Variants in LMBR1 observed in about 807,000 individuals in gnomAD.
The protein encoded by LMBR1 is limb development membrane protein 1.
In LMBR1, 52 loss-of-function variants were observed where a neutral mutation model predicts 73.9. The ratio of observed to expected loss-of-function variants is 0.70; its 90% CI spans 0.56 to 0.89. The LOEUF (loss-of-function observed/expected upper bound fraction) is 0.89. Ranked by LOEUF, LMBR1 falls within the 40% of genes least tolerant of loss-of-function variation. LMBR1 has a pLI of 0.00. For synonymous variants in LMBR1, 215 were observed against 209.4 expected, an observed-to-expected ratio of 1.03 and a Z score of -0.23; for missense variants, 539 against 579.8, an observed-to-expected ratio of 0.93 and a Z score of 0.72.
intron 9 of LMBR1, 100 bp downstream of exon 9, chr7:156,756,293 C>T (rs994132548): frequency 3.0e-6 from 2 of 660,570 alleles, no homozygotes; most frequent in South Asian, 1.7e-5. Context: ...TGTAGCAGCA[C>T]AAGATTCAGA....
At chr7:156,891,219 TATATATATATATATAC>T (rs1330737419) in intron 1 of LMBR1, among the ~76,000 whole-genome samples, 2 of 56,490 alleles carry the variant, frequency 3.5e-5, no homozygotes, top group Admixed American at 2.3e-4. Flanking sequence ...AAAATATATA[TATATATATATATATAC>T]ACACACACAC....
intron 4 of LMBR1, chr7:156,822,637 A>G (rs1251433878): frequency 1.3e-5 from 2 of 152,206 alleles, no homozygotes; most frequent in African/African-American, 4.8e-5. Flanking sequence ...AAGAAAAACC[A>G]AATATTATAA....
At chr7:156,767,230 T>C (rs768027929) in intron 5 of LMBR1, among the ~76,000 whole-genome samples, 3 of 152,154 alleles carry the variant, frequency 2.0e-5, no homozygotes, top group Non-Finnish European at 4.4e-5. Flanking sequence ...CTCACGGCTC[T>C]GCTGAGTACA....
intron 15 of LMBR1, among the ~76,000 whole-genome samples, chr7:156,700,355 A>G (rs1809375251): frequency 6.6e-6 from 1 of 151,902 alleles, no homozygotes; most frequent in Non-Finnish European, 1.5e-5. Flanking sequence ...GAACACATGG[A>G]CACAGGAATG....
rs1036026971 is a variant in LMBR1 at position 156,683,833 on chromosome 7, G to A, written c.*245C>T. On this transcript the variant is annotated 3_prime_UTR_variant, in exon 17 of 17. Transcript: ENST00000353442. Reference sequence around the variant, plus strand: ...TGAGCAAATGTCTACAGAAGAATGCGCTGTTCTATATGTCTGTAAGGAATC... The same window carrying A: ...TGAGCAAATGTCTACAGAAGAATGCACTGTTCTATATGTCTGTAAGGAATC... 1.8e-5 allele frequency: 7 copies of A among 398,644 alleles called. No individual in the cohort carries two copies. The highest frequency in any genetic ancestry group is 2.7e-5 in the Non-Finnish European group (6 of 225,488). The allele number at this position is 398,644 out of a possible 1,614,324, so 24.7% of individuals were successfully genotyped here. A position where few individuals can be genotyped will look rare whatever the true frequency, so the allele number is the denominator to read the frequency against.
intron 1 of LMBR1, among the ~76,000 whole-genome samples, chr7:156,851,587 G>A (rs1343292118): frequency 6.6e-6 from 1 of 152,132 alleles, no homozygotes; most frequent in Non-Finnish European, 1.5e-5. Context: ...TGGTAAAGTT[G>A]GGGGGCTGGG....
chr7:156,785,708 A>T (rs972186453), intron 5 of LMBR1, among the ~76,000 whole-genome samples: 14 of 152,184 alleles, frequency 9.2e-5, no homozygotes, highest in Non-Finnish European at 1.8e-4. Flanking sequence ...TCAAGCAGAG[A>T]CAATCTGAAT....
At chr7:156,888,627 CAA>C (rs1361578055) in intron 1 of LMBR1, among the ~76,000 whole-genome samples, 11 of 151,570 alleles carry the variant, frequency 7.3e-5, no homozygotes, top group Non-Finnish European at 1.6e-4. Flanking sequence ...TCAGCCTGAA[CAA>C]ATTCTGGGCC....
intron 5 of LMBR1, among the ~76,000 whole-genome samples, chr7:156,776,120 T>TA (rs1382111881): frequency 2.0e-5 from 3 of 148,928 alleles, no homozygotes; most frequent in Non-Finnish European, 4.5e-5. Flanking sequence ...TTATATATAT[T>TA]TTATATATAT....
intron 15 of LMBR1, among the ~76,000 whole-genome samples, chr7:156,700,119 A>G (rs1809313168): frequency 6.6e-6 from 1 of 152,204 alleles, no homozygotes; most frequent in African/African-American, 2.4e-5. Flanking sequence ...CACTATTCAC[A>G]ATAGCAAAGA....
At chr7:156,855,053 C>CA (rs1317398073) in intron 1 of LMBR1, among the ~76,000 whole-genome samples, 2 of 152,060 alleles carry the variant, frequency 1.3e-5, no homozygotes, top group East Asian at 3.9e-4. Context: ...TGCTCAAATG[C>CA]AAAAATCACA....
intron 1 of LMBR1, among the ~76,000 whole-genome samples, chr7:156,890,016 A>G (rs566414962): frequency 3.3e-5 from 5 of 152,336 alleles, no homozygotes; most frequent in African/African-American, 1.2e-4. Context: ...ATTTTAAAAA[A>G]TAATAAAACT....
chr7:156,879,128 G>A (rs1800660808), intron 1 of LMBR1, among the ~76,000 whole-genome samples: 1 of 152,148 alleles, frequency 6.6e-6, no homozygotes, highest in Non-Finnish European at 1.5e-5. Context: ...TCTAGACACT[G>A]GCTTAGGAAA....
intron 15 of LMBR1, among the ~76,000 whole-genome samples, chr7:156,692,061 C>T (rs1177908211): frequency 2.0e-5 from 3 of 152,114 alleles, no homozygotes; most frequent in African/African-American, 7.2e-5. Context: ...AAAGATGATG[C>T]TGTTGAAGCA....
chr7:156,786,610 G>C (rs982951871), intron 5 of LMBR1, among the ~76,000 whole-genome samples: 14 of 152,162 alleles, frequency 9.2e-5, no homozygotes, highest in African/African-American at 3.4e-4. Flanking sequence ...GATAACACTT[G>C]AAGAGTGAAA....
intron 4 of LMBR1, among the ~76,000 whole-genome samples, chr7:156,809,248 G>T (rs2133578763): frequency 6.6e-6 from 1 of 152,232 alleles, no homozygotes; most frequent in Non-Finnish European, 1.5e-5. Flanking sequence ...TGCTGATGAT[G>T]AATTTTTATC....
intron 1 of LMBR1, among the ~76,000 whole-genome samples, chr7:156,856,653 C>CAG (rs549883277): frequency 9.6e-4 from 146 of 151,398 alleles, no homozygotes; most frequent in African/African-American, 3.3e-3. Context: ...ATCTGAGAGG[C>CAG]AGAGGTCACA....
In LMBR1 at chr7:156,841,912, C is replaced by T. The variant is rs956981458; in HGVS notation, c.67-5027G>A. Among the ~76,000 whole-genome samples the T allele has an allele frequency of 3.3e-5, 5 of 151,046 alleles. No homozygotes were observed. In the South Asian group the frequency reaches 8.4e-4, roughly 25 times the overall value. On this transcript the variant is annotated intron_variant, in intron 1 of 16. Coordinates refer to ENST00000353442, the MANE Select transcript of LMBR1 (RefSeq NM_022458.4). ...CATTACAAATGATTATATGAATAAT[C>T]CAGTAGAGAGAAAAATTATTGATGC... is the stretch of plus-strand genomic sequence containing the variant.
intron 15 of LMBR1, among the ~76,000 whole-genome samples, chr7:156,690,896 C>T (rs951730789): frequency 1.3e-5 from 2 of 152,020 alleles, no homozygotes. Context: ...AAAATTCTGC[C>T]TGAGAGGTTT....
Sources: gnomAD v4.1 joint callset for allele counts (sites outside exome capture counted in the v4.1 genomes callset) on GRCh38, gnomAD v4.1.1 for gene constraint, MANE v1.5 for transcripts, NCBI Gene and HGNC (gene_info 2026-07-23, HGNC 2026-07-21) for gene names.